Variants in MEIKIN observed in about 807,000 individuals in gnomAD.
The protein encoded by MEIKIN is meiotic kinetochore factor.
At chr5:131,819,389 G>T (rs930581757) in intron 11 of MEIKIN, among the ~76,000 whole-genome samples, 1 of 142,594 alleles carries the variant, frequency 7.0e-6, no homozygotes, top group Non-Finnish European at 1.5e-5. Context: ...ATTCCTTGAG[G>T]CAGAGGCAGA....
At chr5:131,892,610 A>T (rs192732823) in intron 8 of MEIKIN, among the ~76,000 whole-genome samples, 6 of 152,130 alleles carry the variant, frequency 3.9e-5, no homozygotes, top group Non-Finnish European at 5.9e-5. Flanking sequence ...CTAGTTATCC[A>T]TTCATCTAAT....
intron 11 of MEIKIN, among the ~76,000 whole-genome samples, chr5:131,826,344 G>A (rs994556371): frequency 1.3e-5 from 2 of 151,928 alleles, no homozygotes; most frequent in African/African-American, 4.8e-5. Flanking sequence ...CTAAATAATA[G>A]CAATAATGCT....
rs77822538 is a variant in MEIKIN at position 131,837,086 on chromosome 5, A to C, written c.975+14178T>G. On this transcript the variant is annotated intron_variant, in intron 11 of 12. Transcript: ENST00000442687. The stretch of plus-strand genomic sequence containing the variant: ...GGGGTTCATTTTCAATCTTCTGCAC[A>C]TGGCTAGCCAGTTATCCAAGTACCA... Among the ~76,000 whole-genome samples the C allele has an allele frequency of 6.4e-3, 968 of 152,286 alleles. 8 individuals are homozygous for C. Among genetic ancestry groups the C allele is most frequent in the African/African-American group, 0.022 (906 of 41,548 alleles).
chr5:131,923,244 T>A (rs1751535885), intron 5 of MEIKIN, among the ~76,000 whole-genome samples: 1 of 152,220 alleles, frequency 6.6e-6, no homozygotes, highest in African/African-American at 2.4e-5. Flanking sequence ...ATAAATCCAT[T>A]CCATTTATTC....
chr5:131,881,159 A>G (rs1164899227), intron 8 of MEIKIN, among the ~76,000 whole-genome samples: 1 of 152,248 alleles, frequency 6.6e-6, no homozygotes, highest in Non-Finnish European at 1.5e-5. Context: ...TGTTAAGGAT[A>G]ACCTTCAGGT....
intron 12 of MEIKIN, among the ~76,000 whole-genome samples, chr5:131,807,866 G>GCAT (rs1204718576): frequency 6.6e-6 from 1 of 152,064 alleles, no homozygotes; most frequent in African/African-American, 2.4e-5. Flanking sequence ...AAATTTTGTT[G>GCAT]CATCTAAAAC....
At chr5:131,853,386 G>A (rs1750146718) in intron 10 of MEIKIN, among the ~76,000 whole-genome samples, 1 of 152,148 alleles carries the variant, frequency 6.6e-6, no homozygotes, top group Non-Finnish European at 1.5e-5. Flanking sequence ...GGACCTCTGT[G>A]AGGATTGCTC....
chr5:131,809,504 A>C (rs59554388), intron 12 of MEIKIN, among the ~76,000 whole-genome samples: 11,514 of 152,248 alleles, frequency 0.076, 906 homozygotes, highest in African/African-American at 0.2. Context: ...GGCTTTTTGC[A>C]ATTTGATAAA....
rs1350272163 is a variant in MEIKIN, at chr5:131,826,202, T to C, written c.976-7339A>G. Among the ~76,000 whole-genome samples the C allele has an allele frequency of 3.3e-5, 5 of 151,462 alleles. No homozygotes were observed. In the East Asian group the frequency reaches 5.8e-4, roughly 18 times the overall value. ...TTGGCCTCCCAAAGTGCTGGCATTA[T>C]AGGCATGAGTCACTGCGCCTGGCCT... On this transcript the variant is annotated intron_variant, in intron 11 of 12. Transcript: ENST00000442687.
At chr5:131,874,567 C>G (rs561786290) in intron 9 of MEIKIN, among the ~76,000 whole-genome samples, 112 of 152,182 alleles carry the variant, frequency 7.4e-4, no homozygotes, top group South Asian at 6.0e-3. Context: ...ACCAGAGGTA[C>G]AAGGAGGAGC....
chr5:131,892,657 C>T (rs1007455133), intron 8 of MEIKIN, among the ~76,000 whole-genome samples: 14 of 152,126 alleles, frequency 9.2e-5, no homozygotes, highest in Non-Finnish European at 1.9e-4. Flanking sequence ...GCTATTGGTT[C>T]GAACTTCTTC....
At chr5:131,838,741 C>T (rs1462480517) in intron 11 of MEIKIN, among the ~76,000 whole-genome samples, 1 of 151,870 alleles carries the variant, frequency 6.6e-6, no homozygotes, top group Non-Finnish European at 1.5e-5. Context: ...GCTCCTATCT[C>T]TTTTCTCTTT....
At chr5:131,877,117 T>A (rs1580885767) in intron 9 of MEIKIN, among the ~76,000 whole-genome samples, 2 of 151,948 alleles carry the variant, frequency 1.3e-5, no homozygotes, top group East Asian at 3.9e-4. Context: ...CTGCACATTG[T>A]GCACATGTAC....
chr5:131,837,095 C>T (rs1749821573), intron 11 of MEIKIN, among the ~76,000 whole-genome samples: 1 of 152,120 alleles, frequency 6.6e-6, no homozygotes. Flanking sequence ...CATGGCTAGC[C>T]AGTTATCCAA....
At chr5:131,887,727 C>G (rs956218502) in intron 8 of MEIKIN, among the ~76,000 whole-genome samples, 6 of 150,488 alleles carry the variant, frequency 4.0e-5, no homozygotes, top group African/African-American at 2.5e-5. Context: ...TATTATTATA[C>G]TTTAAGTTTT....
intron 7 of MEIKIN, among the ~76,000 whole-genome samples, chr5:131,916,343 T>C (rs1489362856): frequency 1.3e-5 from 2 of 152,224 alleles, no homozygotes; most frequent in Non-Finnish European, 2.9e-5. Flanking sequence ...GGCATATTTA[T>C]AAAGAGGCTA....
intron 8 of MEIKIN, among the ~76,000 whole-genome samples, chr5:131,885,162 A>C (rs1291405520): frequency 6.6e-6 from 1 of 152,134 alleles, no homozygotes; most frequent in East Asian, 1.9e-4. Context: ...TTGTTTGCAG[A>C]GCCTTAGGGC....
chr5:131,861,741 G>T (rs949181134), intron 9 of MEIKIN, among the ~76,000 whole-genome samples: 8 of 152,162 alleles, frequency 5.3e-5, no homozygotes, highest in Non-Finnish European at 7.4e-5. Context: ...CTGTTAATGT[G>T]ATGTATCAAA....
intron 8 of MEIKIN, among the ~76,000 whole-genome samples, chr5:131,880,249 C>T (rs1006086387): frequency 2.1e-5 from 3 of 146,282 alleles, no homozygotes; most frequent in Admixed American, 1.4e-4. Flanking sequence ...GCCACCACAC[C>T]AGGCTAATTT....
Sources: allele counts gnomAD v4.1 joint callset (sites outside exome capture counted in the v4.1 genomes callset), GRCh38; gene constraint gnomAD v4.1.1; transcripts MANE v1.5; gene names NCBI Gene and HGNC (gene_info 2026-07-23, HGNC 2026-07-21).